The following EIF5B variants were observed in gnomAD, a reference collection of about 807,000 sequenced individuals.
EIF5B encodes the protein eukaryotic translation initiation factor 5B, also known as eIF-5B.
EIF5B carries 47 observed loss-of-function variants against 147.5 expected under a neutral mutation model. The observed-to-expected ratio is 0.32, with a 90% CI of 0.25 to 0.41. The LOEUF (loss-of-function observed/expected upper bound fraction) is 0.41. EIF5B is among the 10% of genes least tolerant of loss of function. The pLI is 1.00. For missense variants in EIF5B, 1,064 were observed against 1,413.2 expected (o/e 0.75, Z 3.96); for synonymous variants, 455 against 456.2 (o/e 1.00, Z 0.03).
chr2:99,338,428 T>C, intron 1 of EIF5B: 1 of 948,862 alleles, frequency 1.1e-6, no homozygotes, highest in East Asian at 6.1e-5. Flanking sequence ...TACACGTTCG[T>C]ACACTACCCA....
At chr2:99,396,370 T>A (rs1210296901) in intron 21 of EIF5B, among the ~76,000 whole-genome samples, 2 of 152,172 alleles carry the variant, frequency 1.3e-5, no homozygotes, top group African/African-American at 4.8e-5. Flanking sequence ...GTAGCCTACA[T>A]ATGTGCCTAA....
intron 21 of EIF5B, among the ~76,000 whole-genome samples, chr2:99,395,414 A>G (rs1442018884): frequency 6.6e-6 from 1 of 152,150 alleles, no homozygotes; most frequent in African/African-American, 2.4e-5. Flanking sequence ...GGTCACCCCA[A>G]CCTCTGCCTA....
At chr2:99,343,476 T>A (rs146721055) in intron 1 of EIF5B, among the ~76,000 whole-genome samples, 1 of 152,226 alleles carries the variant, frequency 6.6e-6, no homozygotes, top group Non-Finnish European at 1.5e-5. Context: ...TGAGATAATC[T>A]GTTGCCAAAT....
intron 1 of EIF5B, among the ~76,000 whole-genome samples, chr2:99,355,874 A>G (rs920048118): frequency 2.6e-5 from 4 of 151,984 alleles, no homozygotes; most frequent in African/African-American, 9.7e-5. Context: ...GGGCGTTCCA[A>G]AGTGCTGGGA....
chr2:99,338,937 T>TATATATATATATATATATATAC lies in EIF5B; in HGVS notation c.35+1349_35+1350insTATATATATATATATATATACA, dbSNP rs1491555384. 5.3e-3 allele frequency among the ~76,000 whole-genome samples: 710 copies of TATATATATATATATATATATAC among 134,426 alleles called. 3 individuals are homozygous for TATATATATATATATATATATAC. Among genetic ancestry groups the TATATATATATATATATATATAC allele is most frequent in the Middle Eastern group, 7.9e-3 (2 of 254 alleles). 88.2% of individuals were successfully genotyped at this position (134,426 alleles called of 152,430 possible). On this transcript the variant is annotated intron_variant, in intron 1 of 23. Transcript: ENST00000289371. ...AGAAGTGTGTGTATATATATATATA[T>TATATATATATATATATATATAC]ACAAATATATATACACACATATATA...
intron 6 of EIF5B, among the ~76,000 whole-genome samples, chr2:99,367,157 G>A (rs1009963573): frequency 6.6e-6 from 1 of 152,114 alleles, no homozygotes; most frequent in African/African-American, 2.4e-5. Context: ...AAGGAAAAAA[G>A]ATACATTTTG....
At chr2:99,398,194 A>T (rs963356889) in intron 22 of EIF5B, 2 of 152,058 alleles carry the variant, frequency 1.3e-5, no homozygotes, top group South Asian at 4.2e-4. Context: ...TATTTGTGTT[A>T]CTTTCTATGT....
At chr2:99,384,606 T>C (rs1269964788) in intron 14 of EIF5B, among the ~76,000 whole-genome samples, 1 of 152,264 alleles carries the variant, frequency 6.6e-6, no homozygotes, top group East Asian at 1.9e-4. Context: ...CTGGATGTTA[T>C]GAAGAACGTT....
rs749187477 is a variant in EIF5B, at chr2:99,390,588, G to A, written c.2631G>A (p.Leu877=). ...PGMGTTIDVI[L]INGRLKEGDT... is the part of the protein sequence containing the mutation. Reference sequence around the variant, plus strand: ...TGGGCACCACTATAGATGTCATCTTGATCAATGGGCGTTTGAAGGAAGGAG... The same window carrying A: ...TGGGCACCACTATAGATGTCATCTTAATCAATGGGCGTTTGAAGGAAGGAG... Residue 877 remains leucine (L), a synonymous_variant, in exon 17 of 24, where the codon TTG becomes TTA. Transcript: ENST00000289371. The A allele has an allele frequency of 1.2e-6, 2 of 1,612,900 alleles. No individual in the cohort carries two copies. Among genetic ancestry groups the A allele is most frequent in the Non-Finnish European group, 1.7e-6 (2 of 1,179,082 alleles).
At chr2:99,371,036 A>AT (rs1240490325) in intron 8 of EIF5B, 1 of 152,236 alleles carries the variant, frequency 6.6e-6, no homozygotes, top group African/African-American at 2.4e-5. Context: ...AACTGAGTAT[A>AT]TTCATGTAGC....
At chr2:99,345,078 T>C (rs1225967552) in intron 1 of EIF5B, among the ~76,000 whole-genome samples, 1 of 152,256 alleles carries the variant, frequency 6.6e-6, no homozygotes, top group East Asian at 1.9e-4. Flanking sequence ...AATGTCATTG[T>C]ACTTTTTCAG....
At chr2:99,394,198 CAATTT>C (rs1220960365) in intron 18 of EIF5B, 64 bp from the exon 19 acceptor site, 1 of 1,531,602 alleles carries the variant, frequency 6.5e-7, no homozygotes, top group African/African-American at 1.4e-5. Flanking sequence ...GAGAGAAACA[CAATTT>C]AATTCTAGAC....
intron 22 of EIF5B, chr2:99,397,259 A>T (rs1675072661): frequency 6.1e-6 from 1 of 162,700 alleles, no homozygotes; most frequent in Non-Finnish European, 1.3e-5. Flanking sequence ...GGAAAAGTTT[A>T]AAAACTAGTA....
At chr2:99,378,427 G>A (rs948190618) in intron 10 of EIF5B, among the ~76,000 whole-genome samples, 32 of 152,134 alleles carry the variant, frequency 2.1e-4, no homozygotes, top group African/African-American at 7.2e-4. Flanking sequence ...AAGCTTTCTC[G>A]CTCTTACTGG....
Position 99,401,114 on chromosome 2 carries a change from C to A in EIF5B, c.*1700C>A. The A allele has an allele frequency of 1.9e-6, 1 of 533,844 alleles. No individual in the cohort carries two copies. Among genetic ancestry groups the A allele is most frequent in the South Asian group, 3.4e-5 (1 of 29,082 alleles). 33.1% of individuals were successfully genotyped at this position (533,844 alleles called of 1,614,324 possible). A position where few individuals can be genotyped will look rare whatever the true frequency, so the allele number is the denominator to read the frequency against. On this transcript the variant is annotated 3_prime_UTR_variant, in exon 24 of 24. Coordinates refer to ENST00000289371, the MANE Select transcript of EIF5B (RefSeq NM_015904.4). ...TTGGCACTTTTTGAAAAGAAATGTACAAAACACTTGCTTTAAAAGAAATTT... is the reference window on the plus strand; with the variant it reads ...TTGGCACTTTTTGAAAAGAAATGTAAAAAACACTTGCTTTAAAAGAAATTT...
At chr2:99,359,839 GCA>G (rs982339022) in intron 1 of EIF5B, among the ~76,000 whole-genome samples, 9 of 152,148 alleles carry the variant, frequency 5.9e-5, no homozygotes, top group African/African-American at 2.2e-4. Context: ...AAGTAAAAAT[GCA>G]CAGGGATCCA....
Position 99,399,418 on chromosome 2 carries a change from T to C in EIF5B, c.*4T>C. 6.2e-7 allele frequency: 1 copy of C among 1,613,432 alleles called. No individual in the cohort carries two copies. Among genetic ancestry groups the C allele is most frequent in the Non-Finnish European group, 8.5e-7 (1 of 1,179,442 alleles). On this transcript the variant is annotated 3_prime_UTR_variant, in exon 24 of 24. Coordinates refer to ENST00000289371, the MANE Select transcript of EIF5B (RefSeq NM_015904.4). ...GAAAGTATTTGAAATCATCTAATTT[T>C]TTCACATGGAGCAGGAACTGGAGTA...
In EIF5B at chr2:99,368,451, G is replaced by A. The variant is rs143012269; in HGVS notation, c.1289-42G>A. ...TTAAATAGTACTTCTCAGGTGACAT[G>A]CAAGTAGTATAAGCCTGAAGTTTTT... On this transcript the variant is annotated intron_variant, in intron 6 of 23. Transcript: ENST00000289371. The A allele has an allele frequency of 1.9e-4, 273 of 1,408,418 alleles. 1 individual carries two copies. In the African/African-American group the frequency reaches 3.5e-3, roughly 18 times the overall value. 87.2% of individuals were successfully genotyped at this position (1,408,418 alleles called of 1,614,324 possible). A position where few individuals can be genotyped will look rare whatever the true frequency, so the allele number is the denominator to read the frequency against.
intron 6 of EIF5B, among the ~76,000 whole-genome samples, chr2:99,365,993 A>G (rs766502310): frequency 6.6e-5 from 10 of 152,310 alleles, no homozygotes; most frequent in Middle Eastern, 3.4e-3. Flanking sequence ...ACTCTCAGAG[A>G]GTGTAGGCAT....
Sources: gnomAD v4.1 joint callset for allele counts (sites outside exome capture counted in the v4.1 genomes callset) on GRCh38, gnomAD v4.1.1 for gene constraint, MANE v1.5 for transcripts, NCBI Gene and HGNC (gene_info 2026-07-23, HGNC 2026-07-21) for gene names.